The following SFMBT2 variants were observed in gnomAD, a reference collection of about 807,000 sequenced individuals.
SFMBT2 encodes the protein Scm like with four mbt domains 2.
In SFMBT2, 38 loss-of-function variants were observed where a neutral mutation model predicts 110.1. The ratio of observed to expected loss-of-function variants is 0.35; its 90% CI spans 0.27 to 0.45. The LOEUF (loss-of-function observed/expected upper bound fraction) is 0.45. SFMBT2 is among the 20% of genes least tolerant of loss of function. SFMBT2 has a pLI of 1.00. For missense variants in SFMBT2, 1,011 were observed against 1,094.9 expected, an observed-to-expected ratio of 0.92 and a Z score of 1.08; for synonymous variants, 425 against 425.4, an observed-to-expected ratio of 1.00 and a Z score of 0.01.
chr10:7,375,625 T>G (rs535646394), intron 2 of SFMBT2, among the ~76,000 whole-genome samples: 68 of 152,248 alleles, frequency 4.5e-4, no homozygotes, highest in Admixed American at 2.3e-3. Flanking sequence ...CGTGGCCACC[T>G]GCCTAGAATC....
chr10:7,315,652 T>C (rs972163114), intron 4 of SFMBT2, among the ~76,000 whole-genome samples: 3 of 152,188 alleles, frequency 2.0e-5, no homozygotes, highest in Admixed American at 2.0e-4. Context: ...TCTCTCAATA[T>C]CACCATCCTA....
intron 1 of SFMBT2, among the ~76,000 whole-genome samples, chr10:7,387,619 A>G (rs916609173): frequency 3.3e-5 from 5 of 152,040 alleles, no homozygotes; most frequent in African/African-American, 1.2e-4. Context: ...AAATGCCCAG[A>G]GGAGCCGAGG....
intron 11 of SFMBT2, chr10:7,206,375 A>G: frequency 1.0e-6 from 1 of 985,448 alleles, no homozygotes; most frequent in Non-Finnish European, 1.2e-6. Flanking sequence ...TGCTCCACCT[A>G]ACACCAAGTA....
chr10:7,194,829 C>T (rs941636032), intron 15 of SFMBT2, among the ~76,000 whole-genome samples: 1 of 152,120 alleles, frequency 6.6e-6, no homozygotes, highest in Non-Finnish European at 1.5e-5. Context: ...TAAATTTGGC[C>T]GCTGGCACTT....
At chr10:7,353,781 T>C (rs1844406213) in intron 4 of SFMBT2, among the ~76,000 whole-genome samples, 1 of 152,186 alleles carries the variant, frequency 6.6e-6, no homozygotes. Context: ...CCTTCCATCC[T>C]ACATTTAAAA....
Position 7,176,018 on chromosome 10 carries a change from G to A in SFMBT2, c.1956C>T (p.Asn652=), listed in dbSNP as rs770416832. The stretch of plus-strand genomic sequence containing the variant: ...ATTTGGTTTTGGTATGAATGGAGCA[G>A]TTCTCTGGGCAGTTTTCAGATATCA... ...PVLISENCPE[N]CSIHTKTKYT... is the part of the protein sequence containing the mutation. Residue 652 remains asparagine, a synonymous_variant, in exon 17 of 21, where the codon AAC becomes AAT. Coordinates refer to ENST00000397167, the MANE Select transcript of SFMBT2 (RefSeq NM_001387889.1). The A allele has an allele frequency of 1.2e-5, 19 of 1,614,206 alleles. No individual in the cohort carries two copies. The South Asian group carries it at 2.1e-4, about 18-fold the overall frequency.
intron 1 of SFMBT2, among the ~76,000 whole-genome samples, chr10:7,407,671 C>T (rs958569580): frequency 2.0e-5 from 3 of 152,202 alleles, no homozygotes; most frequent in Admixed American, 6.5e-5. Flanking sequence ...GAATCCCACC[C>T]AACTTTAAAG....
At chr10:7,354,341 TA>T (rs1844428155) in intron 4 of SFMBT2, among the ~76,000 whole-genome samples, 1 of 152,138 alleles carries the variant, frequency 6.6e-6, no homozygotes, top group Non-Finnish European at 1.5e-5. Context: ...TTGATCAAAA[TA>T]ACACGAATAA....
intron 4 of SFMBT2, among the ~76,000 whole-genome samples, chr10:7,341,578 A>C (rs1378790249): frequency 1.3e-5 from 2 of 152,192 alleles, no homozygotes; most frequent in East Asian, 1.9e-4. Flanking sequence ...GGTATTTTTT[A>C]AATCCATTTT....
chr10:7,211,585 G>A (rs900407031), intron 11 of SFMBT2, among the ~76,000 whole-genome samples: 4 of 152,056 alleles, frequency 2.6e-5, no homozygotes, highest in Non-Finnish European at 5.9e-5. Flanking sequence ...GGGATTAAAC[G>A]CCTCTTCCCC....
chr10:7,295,245 A>T (rs1842373036), intron 4 of SFMBT2: 1 of 152,260 alleles, frequency 6.6e-6, no homozygotes, highest in African/African-American at 2.4e-5. Flanking sequence ...TGCAACCCCC[A>T]GAAATACGAC....
intron 4 of SFMBT2, among the ~76,000 whole-genome samples, chr10:7,306,787 G>C (rs2131892895): frequency 6.6e-6 from 1 of 151,930 alleles, no homozygotes; most frequent in Admixed American, 6.6e-5. Context: ...AAATGACAAA[G>C]AGGAAAAGAG....
chr10:7,395,845 C>T (rs1019322975), intron 1 of SFMBT2, among the ~76,000 whole-genome samples: 1 of 152,022 alleles, frequency 6.6e-6, no homozygotes, highest in Non-Finnish European at 1.5e-5. Flanking sequence ...CGTTATGTTT[C>T]TCTCTGTTAG....
At chr10:7,228,597 A>C (rs1346065687) in intron 9 of SFMBT2, among the ~76,000 whole-genome samples, 5 of 152,188 alleles carry the variant, frequency 3.3e-5, no homozygotes, top group Non-Finnish European at 7.3e-5. Context: ...CAGTTTGGAT[A>C]TACTGAGAGA....
intron 4 of SFMBT2, among the ~76,000 whole-genome samples, chr10:7,325,322 T>A (rs563900540): frequency 2.0e-5 from 3 of 152,240 alleles, no homozygotes; most frequent in Admixed American, 6.5e-5. Context: ...CATAGGAATT[T>A]GGGGAGTTCA....
intron 10 of SFMBT2, 114 bp downstream of exon 10, chr10:7,227,741 C>A: frequency 1.2e-6 from 1 of 828,338 alleles, no homozygotes; most frequent in East Asian, 2.6e-5. Context: ...TTTTGTAGTT[C>A]TCCAGTGCAC....
In SFMBT2 at chr10:7,176,138, C is replaced by G. The variant is rs543606987; in HGVS notation, c.1836G>C (p.Val612=). ...AKYRGKTYRA[V]VKIVRTSDQV... The stretch of plus-strand genomic sequence containing the variant: ...GGTCAGATGTCCGTACGATTTTGAC[C>G]ACAGCCCTGTATGTTTTGCCTCTGT... The change falls in exon 17 of 21, where the codon GTG becomes GTC. Residue 612 remains valine, a synonymous_variant. Coordinates refer to ENST00000397167, the MANE Select transcript of SFMBT2 (RefSeq NM_001387889.1). 6.2e-7 allele frequency: 1 copy of G among 1,614,182 alleles called. No homozygotes were observed. Among genetic ancestry groups the G allele is most frequent in the African/African-American group, 1.3e-5 (1 of 75,034 alleles).
rs1273474070 is a variant in SFMBT2 at position 7,159,421 on chromosome 10, A to G, written c.*4349T>C. 1.3e-5 allele frequency: 2 copies of G among 152,260 alleles called. No homozygotes were observed. The highest frequency in any genetic ancestry group is 2.9e-5 in the Non-Finnish European group (2 of 68,036). The allele number at this position is 152,260 out of a possible 1,614,324, so 9.4% of individuals were successfully genotyped here. A position where few individuals can be genotyped will look rare whatever the true frequency, so the allele number is the denominator to read the frequency against. On this transcript the variant is annotated 3_prime_UTR_variant, in exon 21 of 21. Transcript: ENST00000397167. ...AGAGCTATGAGAACTGGTCAACTTAAGAGTTCAACCATGTGAAAGGGAGTA... is the reference window on the plus strand; with the variant it reads ...AGAGCTATGAGAACTGGTCAACTTAGGAGTTCAACCATGTGAAAGGGAGTA...
intron 4 of SFMBT2, among the ~76,000 whole-genome samples, chr10:7,356,696 G>A (rs1844526205): frequency 6.6e-6 from 1 of 152,194 alleles, no homozygotes; most frequent in South Asian, 2.1e-4. Context: ...TACATTACAG[G>A]TGTGAGCCAC....
Sources: allele counts gnomAD v4.1 joint callset (sites outside exome capture counted in the v4.1 genomes callset), GRCh38; gene constraint gnomAD v4.1.1; transcripts MANE v1.5; gene names NCBI Gene and HGNC (gene_info 2026-07-23, HGNC 2026-07-21).